The following PAQR5 variants were observed in gnomAD, a reference collection of about 807,000 sequenced individuals.
PAQR5 encodes progestin and adipoQ receptor family member 5.
A neutral mutation model predicts 34.5 loss-of-function variants in PAQR5; 20 were observed. The ratio of observed to expected loss-of-function variants is 0.58; its 90% CI spans 0.41 to 0.84. PAQR5 has a LOEUF of 0.84. PAQR5 is among the 40% of genes least tolerant of loss of function. The pLI, the probability that PAQR5 is intolerant of heterozygous loss-of-function variation, is 0.00. For missense variants in PAQR5, 378 were observed against 412.7 expected, an observed-to-expected ratio of 0.92 and a Z score of 0.73; for synonymous variants, 131 against 155.6, an observed-to-expected ratio of 0.84 and a Z score of 1.18.
chr15:69,325,796 A>C lies in PAQR5; in HGVS notation c.-276-11545A>C, dbSNP rs537473290. 5.3e-5 allele frequency among the ~76,000 whole-genome samples: 8 copies of C among 151,948 alleles called. No homozygotes were observed. In the South Asian group the frequency reaches 1.7e-3, roughly 32 times the overall value. ...CCTCCTGTCTCCTTAAGCCTCATCT[A>C]CCTCTCCACCCACCGCAGTTTCTAC... On this transcript the variant is annotated intron_variant, in intron 1 of 8. Transcript: ENST00000395407.
At chr15:69,387,316 C>A (rs1191856148) in intron 5 of PAQR5, among the ~76,000 whole-genome samples, 1 of 152,220 alleles carries the variant, frequency 6.6e-6, no homozygotes, top group East Asian at 1.9e-4. Flanking sequence ...CTGACACACA[C>A]CCCTGAGGGG....
At chr15:69,342,174 A>G (rs1347602321) in intron 2 of PAQR5, among the ~76,000 whole-genome samples, 2 of 152,248 alleles carry the variant, frequency 1.3e-5, no homozygotes, top group African/African-American at 4.8e-5. Flanking sequence ...CCTAATGGCT[A>G]TGAAGCGGTA....
chr15:69,386,680 G>A (rs1269074975), intron 5 of PAQR5, among the ~76,000 whole-genome samples: 1 of 151,668 alleles, frequency 6.6e-6, no homozygotes, highest in African/African-American at 2.4e-5. Context: ...TGGGTGGGGA[G>A]GCTCAGAAGT....
intron 5 of PAQR5, 145 bp from the exon 6 acceptor site, chr15:69,389,509 G>A: frequency 2.0e-6 from 2 of 992,506 alleles, no homozygotes; most frequent in South Asian, 1.5e-5. Context: ...GGACATCCTA[G>A]AAGGGGGAAT....
At chr15:69,382,227 G>A (rs1449847049) in intron 4 of PAQR5, among the ~76,000 whole-genome samples, 2 of 152,172 alleles carry the variant, frequency 1.3e-5, no homozygotes, top group Non-Finnish European at 2.9e-5. Flanking sequence ...CTACATGGAG[G>A]AAGGACAAAC....
chr15:69,324,812 A>G (rs918833373), intron 1 of PAQR5, among the ~76,000 whole-genome samples: 1 of 151,204 alleles, frequency 6.6e-6, no homozygotes, highest in African/African-American at 2.4e-5. Flanking sequence ...TCCTACCTCC[A>G]TGGCCCTGTC....
chr15:69,331,069 A>C (rs1327063046), intron 1 of PAQR5, among the ~76,000 whole-genome samples: 1 of 151,826 alleles, frequency 6.6e-6, no homozygotes, highest in Non-Finnish European at 1.5e-5. Context: ...ATGGAGAAAT[A>C]GTCCTGGGGC....
chr15:69,378,894 C>T (rs2055798588), intron 3 of PAQR5, among the ~76,000 whole-genome samples: 3 of 152,106 alleles, frequency 2.0e-5, no homozygotes, highest in Admixed American at 2.0e-4. Flanking sequence ...TGTGAAAGGA[C>T]TCACAGGTTG....
At chr15:69,384,503 T>C (rs111647958) in intron 4 of PAQR5, among the ~76,000 whole-genome samples, 174 bp from the exon 5 acceptor site, 6 of 27,836 alleles carry the variant, frequency 2.2e-4, no homozygotes, top group African/African-American at 7.4e-4. Flanking sequence ...GGAGGGTGAG[T>C]GGGCCCTCCG....
chr15:69,326,776 T>C (rs2054262618), intron 1 of PAQR5, among the ~76,000 whole-genome samples: 1 of 152,052 alleles, frequency 6.6e-6, no homozygotes, highest in Admixed American at 6.5e-5. Flanking sequence ...AGAGCAGATG[T>C]AGGTTTATAG....
intron 1 of PAQR5, chr15:69,314,389 T>C (rs8034725): frequency 0.049 from 7,431 of 152,172 alleles, 374 homozygotes; most frequent in East Asian, 0.15. Flanking sequence ...TGCTGGAACA[T>C]TACTTCTGGG....
chr15:69,330,328 G>A (rs1158860413), intron 1 of PAQR5, among the ~76,000 whole-genome samples: 1 of 152,144 alleles, frequency 6.6e-6, no homozygotes, highest in Non-Finnish European at 1.5e-5. Flanking sequence ...GGAGAAACTG[G>A]GTTTGTAGTT....
At chr15:69,367,605 G>C (rs1270425413) in intron 3 of PAQR5, among the ~76,000 whole-genome samples, 2 of 152,154 alleles carry the variant, frequency 1.3e-5, no homozygotes, top group African/African-American at 4.8e-5. Flanking sequence ...ATACCACCCT[G>C]AACACACCTA....
intron 1 of PAQR5, among the ~76,000 whole-genome samples, chr15:69,318,926 G>T (rs1300946390): frequency 1.3e-5 from 2 of 151,602 alleles, no homozygotes; most frequent in Non-Finnish European, 2.9e-5. Flanking sequence ...CTAAGGTCGG[G>T]TGTTTGAGAC....
chr15:69,386,158 C>A lies in PAQR5; in HGVS notation c.385+1276C>A, dbSNP rs370741704. On this transcript the variant is annotated intron_variant, in intron 5 of 8. Coordinates refer to ENST00000395407, the MANE Select transcript of PAQR5 (RefSeq NM_017705.4). The stretch of plus-strand genomic sequence containing the variant: ...CACATACACACTCACACCACATACA[C>A]ACTCACATGCTCATATACGCACACA... 2.0e-4 allele frequency among the ~76,000 whole-genome samples: 31 copies of A among 151,814 alleles called. No individual in the cohort carries two copies. The East Asian group carries it at 3.3e-3, about 16-fold the overall frequency.
chr15:69,300,525 C>T (rs1461723602), intron 1 of PAQR5, among the ~76,000 whole-genome samples: 1 of 152,076 alleles, frequency 6.6e-6, no homozygotes. Flanking sequence ...ACATTTTCCC[C>T]TTACACCAAG....
intron 2 of PAQR5, among the ~76,000 whole-genome samples, chr15:69,342,267 TTTA>T (rs144248170): frequency 0.02 from 2,956 of 149,220 alleles, 82 homozygotes; most frequent in East Asian, 0.1. Flanking sequence ...TGTTTGTTCT[TTTA>T]TTATTATTAT....
At chr15:69,375,959 C>T (rs962006071) in intron 3 of PAQR5, among the ~76,000 whole-genome samples, 9 of 152,268 alleles carry the variant, frequency 5.9e-5, no homozygotes, top group East Asian at 1.9e-4. Flanking sequence ...GAAACTGTCA[C>T]GGTAGAATTG....
chr15:69,321,261 C>G (rs2054089806), intron 1 of PAQR5, among the ~76,000 whole-genome samples: 3 of 152,174 alleles, frequency 2.0e-5, no homozygotes, highest in Admixed American at 1.3e-4. Flanking sequence ...AGGGTTTTTT[C>G]TGACATTGTT....
Sources: gnomAD v4.1 joint callset for allele counts (sites outside exome capture counted in the v4.1 genomes callset) on GRCh38, gnomAD v4.1.1 for gene constraint, MANE v1.5 for transcripts, NCBI Gene and HGNC (gene_info 2026-07-23, HGNC 2026-07-21) for gene names.